The following RXRA variants were observed in gnomAD, a reference collection of about 807,000 sequenced individuals.
RXRA encodes the protein retinoic acid receptor RXR-alpha.
In RXRA, 5 loss-of-function variants were observed where a neutral mutation model predicts 44.5. The ratio of observed to expected loss-of-function variants is 0.11; its 90% CI spans 0.06 to 0.24. RXRA has a LOEUF of 0.24. Ranked by LOEUF, RXRA falls within the 10% of genes least tolerant of loss-of-function variation. RXRA has a pLI of 1.00. For synonymous variants in RXRA, 291 were observed against 271.4 expected (o/e 1.07, Z -0.71); for missense variants, 412 against 646.5 (o/e 0.64, Z 3.93).
In RXRA at chr9:134,349,174, G is replaced by A. The variant is rs56787611; in HGVS notation, c.28+22515G>A. 6.6e-6 allele frequency among the ~76,000 whole-genome samples: 1 copy of A among 152,006 alleles called. No individual in the cohort carries two copies. Among genetic ancestry groups the A allele is most frequent in the Non-Finnish European group, 1.5e-5 (1 of 68,018 alleles). On this transcript the variant is annotated intron_variant, in intron 1 of 9. Transcript: ENST00000481739. This position sits in a 1 kb window ranked among gnomAD's most constrained non-coding sequence, Gnocchi z 4.3. ...TGCCTCATGAGGGCCTGCACAGAGGGTCTTGCAGAAGAAGGGTCTGGCTGG... is the reference window on the plus strand; with the variant it reads ...TGCCTCATGAGGGCCTGCACAGAGGATCTTGCAGAAGAAGGGTCTGGCTGG...
intron 1 of RXRA, among the ~76,000 whole-genome samples, chr9:134,340,108 T>G (rs1830068878): frequency 6.6e-6 from 1 of 151,954 alleles, no homozygotes; most frequent in Non-Finnish European, 1.5e-5. Context: ...CGTGTCTCCC[T>G]GTGCCCGTGC....
At chr9:134,410,715 A>C (rs1188446270) in intron 4 of RXRA, among the ~76,000 whole-genome samples, 2 of 148,356 alleles carry the variant, frequency 1.3e-5, no homozygotes, top group South Asian at 2.1e-4. Context: ...CTGGGGGGGG[A>C]AGGCCTCGTG....
At position 134,437,440 on chromosome 9, in the gene RXRA, G is replaced by C. The variant is rs369711182; in HGVS notation, c.*826G>C. On this transcript the variant is annotated 3_prime_UTR_variant, in exon 10 of 10. Transcript: ENST00000481739. ...CCTCCCCAGCCTGAGTCTTCTCCTT[G>C]CTCTGCGGGGTGGGCTGAGGCTTGT... The C allele has an allele frequency of 3.7e-3, 566 of 152,714 alleles. 1 individual carries two copies. Among genetic ancestry groups the C allele is most frequent in the Middle Eastern group, 6.8e-3 (2 of 296 alleles). 9.5% of individuals were successfully genotyped at this position (152,714 alleles called of 1,614,324 possible).
chr9:134,380,410 T>C (rs1434315339), intron 1 of RXRA, among the ~76,000 whole-genome samples: 2 of 151,914 alleles, frequency 1.3e-5, no homozygotes, highest in South Asian at 2.1e-4. Context: ...TGGGGTCGGA[T>C]AGGGGCTGGG....
intron 1 of RXRA, among the ~76,000 whole-genome samples, chr9:134,387,624 C>T (rs886136467): frequency 4.6e-5 from 7 of 152,244 alleles, no homozygotes; most frequent in Admixed American, 3.3e-4. Context: ...GAACAGTGCA[C>T]CTGGGGACCA....
chr9:134,425,268 G>A lies in RXRA; in HGVS notation c.910+3463G>A, dbSNP rs922173804. On this transcript the variant is annotated intron_variant, in intron 6 of 9. Coordinates refer to ENST00000481739, the MANE Select transcript of RXRA (RefSeq NM_002957.6). ...GGCCCCTTCCTTGGGGTGGGCTGCT[G>A]CCCTACCCGTCCAGGAGGCCTTCAG... 13 of 985,350 alleles carry A rather than the reference G, an allele frequency of 1.3e-5. No individual in the cohort carries two copies. In the Admixed American group the frequency reaches 3.1e-4, roughly 23 times the overall value. The allele number at this position is 985,350 out of a possible 1,614,324, so 61.0% of individuals were successfully genotyped here. A position where few individuals can be genotyped will look rare whatever the true frequency, so the allele number is the denominator to read the frequency against.
chr9:134,428,822 C>T (rs557017734), intron 6 of RXRA, among the ~76,000 whole-genome samples: 133 of 152,314 alleles, frequency 8.7e-4, no homozygotes, highest in African/African-American at 3.0e-3. Context: ...CCTGCACACG[C>T]GGGAGGAAGC....
intron 1 of RXRA, among the ~76,000 whole-genome samples, chr9:134,392,514 A>C (rs1243323483): frequency 6.6e-6 from 1 of 152,144 alleles, no homozygotes; most frequent in African/African-American, 2.4e-5. Context: ...GCGTGGCTGG[A>C]CAGGCCTGGC....
chr9:134,337,462 G>A (rs1463135122), intron 1 of RXRA, among the ~76,000 whole-genome samples: 5 of 152,190 alleles, frequency 3.3e-5, no homozygotes, highest in Non-Finnish European at 7.3e-5. Context: ...CCACTTGATG[G>A]GATATGACCT....
intron 1 of RXRA, among the ~76,000 whole-genome samples, chr9:134,352,494 C>T (rs538287563): frequency 1.3e-5 from 2 of 152,152 alleles, no homozygotes; most frequent in Non-Finnish European, 2.9e-5. Flanking sequence ...CTGCCTCGCC[C>T]CTGCCCAGCA....
rs918885711 is a variant in RXRA at position 134,407,218 on chromosome 9, A to G, written c.280-931A>G. Reference sequence around the variant, plus strand: ...TCTGCTTTGCTTGCATTGAGCCTCAAACTCTTCCTGTCCCGTGAGAAGGGG... The same window carrying G: ...TCTGCTTTGCTTGCATTGAGCCTCAGACTCTTCCTGTCCCGTGAGAAGGGG... On this transcript the variant is annotated intron_variant, in intron 2 of 9. Transcript: ENST00000481739. This position sits in a 1 kb window ranked among gnomAD's most constrained non-coding sequence, Gnocchi z 4.8. Among the ~76,000 whole-genome samples, 3 of 152,200 alleles carry G rather than the reference A, an allele frequency of 2.0e-5. No homozygotes were observed. Among genetic ancestry groups the G allele is most frequent in the Non-Finnish European group, 4.4e-5 (3 of 68,022 alleles).
At chr9:134,326,681 CG>C (rs1554746076) in intron 1 of RXRA, 22 bp downstream of exon 1, 4 of 838,852 alleles carry the variant, frequency 4.8e-6, no homozygotes, top group Non-Finnish European at 5.7e-6. Context: ...CCGGGCCGGG[CG>C]GGGACGGGGC....
rs557959829 is a variant in RXRA, at chr9:134,400,941, C to T, written c.29-691C>T. Among the ~76,000 whole-genome samples the T allele has an allele frequency of 2.2e-4, 33 of 152,298 alleles. 1 individual carries two copies. In the South Asian group the frequency reaches 6.2e-3, roughly 29 times the overall value. ...GGGGCCTGAGCGTCCGGTGCCCGGG[C>T]GACCACTGCTGTGGCACCTGAGCAG... On this transcript the variant is annotated intron_variant, in intron 1 of 9. Coordinates refer to ENST00000481739, the MANE Select transcript of RXRA (RefSeq NM_002957.6).
intron 1 of RXRA, among the ~76,000 whole-genome samples, chr9:134,347,445 C>A (rs1830166858): frequency 6.6e-6 from 1 of 152,214 alleles, no homozygotes; most frequent in Admixed American, 6.5e-5. Context: ...ACCGTGCCGT[C>A]CACCCTGATG....
intron 1 of RXRA, among the ~76,000 whole-genome samples, chr9:134,337,248 G>T (rs1175391116): frequency 1.3e-5 from 2 of 152,198 alleles, no homozygotes; most frequent in Non-Finnish European, 2.9e-5. Context: ...TAGCAGTGTG[G>T]GGGGTCAAGG....
In RXRA at chr9:134,417,971, C is replaced by T. The variant is rs774553304; in HGVS notation, c.780+644C>T. On this transcript the variant is annotated intron_variant, in intron 5 of 9. Coordinates refer to ENST00000481739, the MANE Select transcript of RXRA (RefSeq NM_002957.6). This position sits in a 1 kb window ranked among gnomAD's most constrained non-coding sequence, Gnocchi z 6.1. ...TTCTCCTGGGCTGGCTCCAGCTGGT[C>T]CTGGAGGTGTTGGATTCAAGACCCC... Among the ~76,000 whole-genome samples the T allele has an allele frequency of 2.6e-5, 4 of 152,124 alleles. No individual in the cohort carries two copies. Among genetic ancestry groups the T allele is most frequent in the African/African-American group, 7.2e-5 (3 of 41,424 alleles).
At chr9:134,378,237 A>G (rs547750075) in intron 1 of RXRA, among the ~76,000 whole-genome samples, 63 of 151,828 alleles carry the variant, frequency 4.1e-4, no homozygotes, top group Non-Finnish European at 7.8e-4. Context: ...CCCTGGCTGG[A>G]TGCTGTCATC....
At chr9:134,339,516 T>C (rs1454734867) in intron 1 of RXRA, among the ~76,000 whole-genome samples, 1 of 147,998 alleles carries the variant, frequency 6.8e-6, no homozygotes, top group African/African-American at 2.5e-5. Context: ...TGTGTGAGTC[T>C]GTGTGTGTGT....
chr9:134,436,620 C>CG lies in RXRA; in HGVS notation c.*9dup. ...CGCCGCACCAAATGACTTAGGCCTG[C>CG]GGGCCCATCCTTTGTGCCCACCCGT... On this transcript the variant is annotated 3_prime_UTR_variant, in exon 10 of 10. Coordinates refer to ENST00000481739, the MANE Select transcript of RXRA (RefSeq NM_002957.6). The CG allele has an allele frequency of 6.2e-7, 1 of 1,613,680 alleles. No individual in the cohort carries two copies. The highest frequency in any genetic ancestry group is 8.5e-7 in the Non-Finnish European group (1 of 1,179,900).
Sources: allele counts gnomAD v4.1 joint callset (sites outside exome capture counted in the v4.1 genomes callset), GRCh38; gene constraint gnomAD v4.1.1; non-coding constraint Gnocchi (gnomAD v3.1); transcripts MANE v1.5; gene names NCBI Gene and HGNC (gene_info 2026-07-23, HGNC 2026-07-21).